Variants in ADGRG1 observed in about 807,000 individuals in gnomAD.
The protein encoded by ADGRG1 is adhesion G protein-coupled receptor G1, also known as 7-transmembrane protein with no EGF-like N-terminal domains-1.
A neutral mutation model predicts 73.5 loss-of-function variants in ADGRG1; 53 were observed. The ratio of observed to expected loss-of-function variants is 0.72; its 90% CI spans 0.58 to 0.91. The LOEUF (loss-of-function observed/expected upper bound fraction) is 0.91, where lower values mean the gene tolerates loss of function less well. ADGRG1 is among the 40% of genes least tolerant of loss of function. The pLI is 0.00. For synonymous variants in ADGRG1, 394 were observed against 374.4 expected, an observed-to-expected ratio of 1.05 and a Z score of -0.60; for missense variants, 795 against 871.8, an observed-to-expected ratio of 0.91 and a Z score of 1.11.
chr16:57,662,198 G>T (rs1156895227), intron 13 of ADGRG1, among the ~76,000 whole-genome samples: 1 of 152,232 alleles, frequency 6.6e-6, no homozygotes, highest in Non-Finnish European at 1.5e-5. Flanking sequence ...TGTGGGCCTT[G>T]TTCTTTTGGA....
chr16:57,622,671 A>C, intron 2 of ADGRG1: 1 of 601,334 alleles, frequency 1.7e-6, no homozygotes, highest in Non-Finnish European at 2.1e-6. Flanking sequence ...GGGCAGGGGT[A>C]TGGCCAGAAT....
chr16:57,660,326 T>C (rs753687852), intron 11 of ADGRG1: 543 of 984,886 alleles, frequency 5.5e-4, no homozygotes, highest in Non-Finnish European at 6.3e-4. Context: ...GGTGTCTCTG[T>C]GTCAGGACTT....
intron 1 of ADGRG1, chr16:57,639,496 A>G: frequency 1.0e-6 from 1 of 985,422 alleles, no homozygotes; most frequent in South Asian, 4.7e-5. Context: ...AGCTCCAGTG[A>G]GGGAGCAGTG....
chr16:57,650,955 G>T (rs889682464), intron 2 of ADGRG1: 4 of 438,904 alleles, frequency 9.1e-6, no homozygotes, highest in Non-Finnish European at 1.2e-5. Flanking sequence ...TGATCCGCCC[G>T]CCTCAGCCTC....
intron 1 of ADGRG1, chr16:57,643,701 T>C (rs2041447350): frequency 1.0e-6 from 1 of 985,288 alleles, no homozygotes; most frequent in Admixed American, 6.1e-5. Flanking sequence ...GGAAAATTCC[T>C]GAAAACTGAA....
chr16:57,644,251 T>C (rs1008438155), intron 1 of ADGRG1: 150 of 895,874 alleles, frequency 1.7e-4, no homozygotes, highest in African/African-American at 8.0e-4. Context: ...TGCACACACA[T>C]GCACAGTCAT....
At chr16:57,644,949 A>C (rs953937768) in intron 1 of ADGRG1, 7 of 418,682 alleles carry the variant, frequency 1.7e-5, no homozygotes, top group Non-Finnish European at 2.2e-5. Context: ...ACGGGCACCC[A>C]CTGATCACAC....
At chr16:57,623,037 G>T, upstream of ADGRG1, 1 of 985,414 alleles carries the variant, frequency 1.0e-6, no homozygotes, top group Non-Finnish European at 1.2e-6. Context: ...TGGTATGGAG[G>T]GGCAAAGCAG....
intron 1 of ADGRG1, among the ~76,000 whole-genome samples, chr16:57,645,513 AGGCTGCCCTGGCCCCGAG>A (rs1385065745): frequency 1.3e-5 from 2 of 152,158 alleles, no homozygotes; most frequent in African/African-American, 4.8e-5. Flanking sequence ...GCTGGAACGC[AGGCTGCCCTGGCCCCGAG>A]TCCAGGCCCT....
At chr16:57,642,794 TC>T (rs373015137) in intron 1 of ADGRG1, 30 of 196,810 alleles carry the variant, frequency 1.5e-4, no homozygotes, top group African/African-American at 6.8e-4. Flanking sequence ...TGAGTTTGAG[TC>T]CCGGCTTTTC....
chr16:57,660,405 C>G (rs1371854055), intron 11 of ADGRG1: 1 of 983,632 alleles, frequency 1.0e-6, no homozygotes, highest in African/African-American at 1.7e-5. Flanking sequence ...GGTCAAGGCC[C>G]AGTGCAGACG....
intron 1 of ADGRG1, chr16:57,631,904 A>AGGGGTAG (rs55881977): frequency 0.068 from 65,362 of 968,052 alleles, 2,350 homozygotes; most frequent in African/African-American, 0.12. Flanking sequence ...TAGAGGGGCC[A>AGGGGTAG]AGGGTTGGGG....
intron 12 of ADGRG1, chr16:57,661,295 A>C (rs2047018134): frequency 2.0e-6 from 2 of 985,244 alleles, no homozygotes; most frequent in Non-Finnish European, 2.4e-6. Context: ...GTGGGGTTGA[A>C]GTCCAGTCCT....
rs768299112 is a variant in ADGRG1 at position 57,663,440 on chromosome 16, C to T, written c.1934-12C>T. Reference sequence around the variant, plus strand: ...CCCCCACCTGCTGACCCCGTGCCCTCACTGCCCGCAGGCTTCCTCATCTTC... The same window carrying T: ...CCCCCACCTGCTGACCCCGTGCCCTTACTGCCCGCAGGCTTCCTCATCTTC... On this transcript the variant is annotated splice_polypyrimidine_tract_variant and intron_variant, in intron 13 of 13. Transcript: ENST00000562631. 6 of 1,613,874 alleles carry T rather than the reference C, an allele frequency of 3.7e-6. No individual in the cohort carries two copies. In the South Asian group the frequency reaches 4.4e-5, roughly 12 times the overall value.
rs1285458366 is a variant in ADGRG1 at position 57,655,999 on chromosome 16, G to A, written c.1017+7G>A. 2.5e-6 allele frequency: 4 copies of A among 1,613,772 alleles called. No individual in the cohort carries two copies. The South Asian group carries it at 4.4e-5, about 18-fold the overall frequency. On this transcript the variant is annotated splice_region_variant and intron_variant, in intron 7 of 13. Transcript: ENST00000562631. Reference sequence around the variant, plus strand: ...CCAGCACCAGCTACAGCCGGTGAGTGGGGGCCAGCCATCAAGAGAACAAGC... The same window carrying A: ...CCAGCACCAGCTACAGCCGGTGAGTAGGGGCCAGCCATCAAGAGAACAAGC...
intron 1 of ADGRG1, chr16:57,640,789 G>C: frequency 1.5e-6 from 1 of 673,448 alleles, no homozygotes; most frequent in Non-Finnish European, 1.8e-6. Flanking sequence ...GAGGAAAAAA[G>C]AAAGGGAGGG....
At chr16:57,631,989 A>G (rs987199075) in intron 1 of ADGRG1, 4 of 985,322 alleles carry the variant, frequency 4.1e-6, no homozygotes, top group Non-Finnish European at 4.8e-6. Flanking sequence ...CTAAGCCCCA[A>G]ACTCTCCCTG....
intron 1 of ADGRG1, chr16:57,637,598 A>C: frequency 1.0e-6 from 1 of 985,444 alleles, no homozygotes. Flanking sequence ...ACCAGAGAAC[A>C]GCAAGTCCTT....
chr16:57,621,736 C>G, intron 2 of ADGRG1: 2 of 364,556 alleles, frequency 5.5e-6, no homozygotes, highest in Non-Finnish European at 7.6e-6. Flanking sequence ...TGACACCAGG[C>G]CTGGCATCCG....
Sources: gnomAD v4.1 joint callset for allele counts (sites outside exome capture counted in the v4.1 genomes callset) on GRCh38, gnomAD v4.1.1 for gene constraint, MANE v1.5 for transcripts, NCBI Gene and HGNC (gene_info 2026-07-23, HGNC 2026-07-21) for gene names.